The following RPS29 variants were observed in gnomAD, a reference collection of about 807,000 sequenced individuals.
RPS29 encodes the protein ribosomal protein S29, also known as small ribosomal subunit protein uS14.
For synonymous variants in RPS29, 37 were observed against 26.9 expected, an observed-to-expected ratio of 1.37 and a Z score of -1.16; for missense variants, 60 against 75.7, an observed-to-expected ratio of 0.79 and a Z score of 0.77.
chr14:49,579,227 T>C (rs752083104), downstream of RPS29, among the ~76,000 whole-genome samples: 9 of 152,150 alleles, frequency 5.9e-5, no homozygotes, highest in Non-Finnish European at 1.0e-4. Context: ...AAGGACACAA[T>C]GAGAAGGCAC....
intron 1 of RPS29, among the ~76,000 whole-genome samples, chr14:49,593,430 G>A (rs945209876): frequency 1.3e-5 from 2 of 152,052 alleles, no homozygotes; most frequent in Non-Finnish European, 2.9e-5. Flanking sequence ...TTGGCCGGGC[G>A]CAGTGGCTCA....
exon 3 of RPS29, chr14:49,571,523 C>A (rs1349443805): frequency 6.6e-6 from 1 of 152,118 alleles, no homozygotes. Flanking sequence ...AGATGGAGGC[C>A]AGTTACCAGC....
At chr14:49,582,012 C>CCAAAAAAAAAA (rs71115379), downstream of RPS29, among the ~76,000 whole-genome samples, 35 of 106,508 alleles carry the variant, frequency 3.3e-4, no homozygotes, top group African/African-American at 1.5e-3. Flanking sequence ...CCCTGCCCCC[C>CCAAAAAAAAAA]AAAAAAAAAA....
At chr14:49,585,280 A>C (rs1881491529) in intron 2 of RPS29, 1 of 151,656 alleles carries the variant, frequency 6.6e-6, no homozygotes, top group Non-Finnish European at 1.5e-5. Context: ...AGGCAGGAGA[A>C]TCGCTTGAAC....
intron 1 of RPS29, among the ~76,000 whole-genome samples, chr14:49,594,717 C>G (rs1881783222): frequency 6.6e-6 from 1 of 152,370 alleles, no homozygotes; most frequent in South Asian, 2.1e-4. Flanking sequence ...CACTTCACAT[C>G]CTTCACACAT....
At chr14:49,582,649 G>C (rs1881374500), downstream of RPS29, among the ~76,000 whole-genome samples, 1 of 152,222 alleles carries the variant, frequency 6.6e-6, no homozygotes. Flanking sequence ...ACAAGTGGTA[G>C]AACAGTACTT....
At chr14:49,590,707 T>TTTG, upstream of RPS29, among the ~76,000 whole-genome samples, 1 of 152,032 alleles carries the variant, frequency 6.6e-6, no homozygotes, top group African/African-American at 2.4e-5. Context: ...TTTTTTCTTT[T>TTTG]TGAGACGGAG....
upstream of RPS29, among the ~76,000 whole-genome samples, chr14:49,587,519 G>A (rs1320361184): frequency 1.3e-5 from 2 of 152,178 alleles, no homozygotes; most frequent in African/African-American, 4.8e-5. Context: ...TTTAAGGTAT[G>A]TTATGTCAGG....
At chr14:49,572,389 C>A (rs1881076088) in exon 3 of RPS29, 1 of 152,176 alleles carries the variant, frequency 6.6e-6, no homozygotes, top group Non-Finnish European at 1.5e-5. Context: ...AATTGAATTT[C>A]AATATACCGG....
intron 2 of RPS29, among the ~76,000 whole-genome samples, chr14:49,584,683 G>T (rs1486576098): frequency 9.9e-6 from 1 of 101,438 alleles, no homozygotes; most frequent in African/African-American, 3.6e-5. Context: ...AGAATCGCTT[G>T]AATCCGGGAG....
chr14:49,594,853 C>T (rs139068131), intron 1 of RPS29, among the ~76,000 whole-genome samples: 64 of 152,326 alleles, frequency 4.2e-4, no homozygotes, highest in Middle Eastern at 3.4e-3. Context: ...CCAGTAACAG[C>T]ATCTCCACCA....
exon 3 of RPS29, chr14:49,576,984 G>A (rs1566475781): frequency 6.6e-6 from 1 of 152,284 alleles, no homozygotes. Flanking sequence ...ATACAAGCCT[G>A]TGATCCCAGC....
Position 49,594,951 on chromosome 14 carries a change from C to T in RPS29, c.-133+3449G>A, listed in dbSNP as rs1330975354. On this transcript the variant is annotated intron_variant, in intron 1 of 3. Coordinates refer to the RPS29 transcript ENST00000556230. ...AACTCTTGCTTCTGTTTCCAAGCAG[C>T]TTTATTTGAACTTGCCCTTTTTGCC... 5.9e-5 allele frequency among the ~76,000 whole-genome samples: 9 copies of T among 152,192 alleles called. 1 individual carries two copies. The highest frequency in any genetic ancestry group is 5.9e-4 in the Admixed American group (9 of 15,270).
chr14:49,583,617 T>C lies in RPS29; in HGVS notation c.*50A>G, dbSNP rs1359869790. 3.8e-6 allele frequency: 6 copies of C among 1,573,978 alleles called. No individual in the cohort carries two copies. The highest frequency in any genetic ancestry group is 2.8e-5 in the African/African-American group (2 of 72,484). ...TTATTTTATATACAAAGAATTATCA[T>C]GGTTTTTCATTGAGTAGATGCCCCG... On this transcript the variant is annotated 3_prime_UTR_variant, in exon 3 of 3. Coordinates refer to ENST00000245458, the MANE Select transcript of RPS29 (RefSeq NM_001032.5).
Position 49,577,978 on chromosome 14 carries a change from T to A in RPS29, c.163-125A>T, listed in dbSNP as rs956270689. ...TGTCACTATCAGGATCTAGATTGAG[T>A]GGAATTAATTCAGAGAACACCAAAG... On this transcript the variant is annotated intron_variant, in intron 2 of 2. Transcript: ENST00000396020. The A allele has an allele frequency of 2.2e-5, 15 of 676,172 alleles. 1 individual carries two copies. In the South Asian group the frequency reaches 2.7e-4, roughly 12 times the overall value. 41.9% of individuals were successfully genotyped at this position (676,172 alleles called of 1,614,324 possible). A position where few individuals can be genotyped will look rare whatever the true frequency, so the allele number is the denominator to read the frequency against.
At position 49,586,287 on chromosome 14, in the gene RPS29, A is replaced by T; in HGVS notation, c.60T>A (p.Ser20=). ...CAAAATCACAAACTATTTCTCACCAAGAGCGAGAACCCTGGCCGAATTTTC... is the reference window on the plus strand; with the variant it reads ...CAAAATCACAAACTATTTCTCACCATGAGCGAGAACCCTGGCCGAATTTTC... ...HPRKFGQGSR[S]CRVCSNRHGL... is the part of the protein sequence containing the mutation. The change falls in exon 1 of 3, where the codon TCT becomes TCA. Residue 20 remains serine, a splice_region_variant and synonymous_variant. Coordinates refer to ENST00000245458, the MANE Select transcript of RPS29 (RefSeq NM_001032.5). The T allele has an allele frequency of 1.2e-6, 2 of 1,613,606 alleles. No homozygotes were observed. The highest frequency in any genetic ancestry group is 1.7e-6 in the Non-Finnish European group (2 of 1,179,548).
chr14:49,588,623 G>A (rs556460392), upstream of RPS29, among the ~76,000 whole-genome samples: 1 of 152,088 alleles, frequency 6.6e-6, no homozygotes, highest in East Asian at 1.9e-4. Flanking sequence ...CACCTCCTGG[G>A]TTCAAGGGAT....
Position 49,585,939 on chromosome 14 carries a change from C to A in RPS29, c.162+11G>T. 1 of 1,607,488 alleles carries A rather than the reference C, an allele frequency of 6.2e-7. No individual in the cohort carries two copies. The highest frequency in any genetic ancestry group is 1.7e-5 in the Admixed American group (1 of 59,984). On this transcript the variant is annotated intron_variant, in intron 2 of 2. Coordinates refer to ENST00000245458, the MANE Select transcript of RPS29 (RefSeq NM_001032.5). ...GCCCAAACAACATGGAGTACGCCTG[C>A]AGACGCCTACCTTAATGAAACCGAT... is the stretch of plus-strand genomic sequence containing the variant.
intron 1 of RPS29, among the ~76,000 whole-genome samples, chr14:49,595,230 G>A (rs1014795542): frequency 1.3e-5 from 2 of 151,844 alleles, no homozygotes; most frequent in Non-Finnish European, 2.9e-5. Flanking sequence ...TCCAACATCT[G>A]GATCAAATGT....
Sources: gnomAD v4.1 joint callset for allele counts (sites outside exome capture counted in the v4.1 genomes callset) on GRCh38, gnomAD v4.1.1 for gene constraint, MANE v1.5 for transcripts, NCBI Gene and HGNC (gene_info 2026-07-23, HGNC 2026-07-21) for gene names.